MIAT: variants seen among roughly 807,000 people sequenced by gnomAD.
MIAT encodes MI related novel mRNA.
At chr22:26,651,620 GC>G (rs1417760662) in intron 2 of MIAT, among the ~76,000 whole-genome samples, 1 of 152,238 alleles carries the variant, frequency 6.6e-6, no homozygotes, top group African/African-American at 2.4e-5. Flanking sequence ...ATTCAGATTA[GC>G]CAAAGGGTGG....
At chr22:26,653,119 A>T (rs1930367063) in intron 2 of MIAT, among the ~76,000 whole-genome samples, 1 of 152,242 alleles carries the variant, frequency 6.6e-6, no homozygotes, top group Non-Finnish European at 1.5e-5. Flanking sequence ...GGAAGATGCT[A>T]GGGAAGACTT....
chr22:26,672,795 C>T, downstream of MIAT: 1 of 398,716 alleles, frequency 2.5e-6, no homozygotes, highest in Non-Finnish European at 4.4e-6. Flanking sequence ...CGGGTCTTTC[C>T]TACGCTAAAA....
chr22:26,658,762 C>T (rs1197180028), intron 2 of MIAT, among the ~76,000 whole-genome samples: 1 of 152,214 alleles, frequency 6.6e-6, no homozygotes, highest in Non-Finnish European at 1.5e-5. Flanking sequence ...GGGAAAACGC[C>T]CCCACCTGCT....
downstream of MIAT, chr22:26,670,737 G>A (rs1931016739): frequency 1.5e-5 from 6 of 398,282 alleles, no homozygotes; most frequent in Non-Finnish European, 1.3e-5. Context: ...ATAGGATGAA[G>A]TGTTCCTTGA....
chr22:26,669,480 C>T (rs1403633670), exon 6 of MIAT: 1 of 323,872 alleles, frequency 3.1e-6, no homozygotes, highest in Non-Finnish European at 5.3e-6. Context: ...TCTGGTGTCT[C>T]CTCCTCTTCT....
intron 3 of MIAT, chr22:26,665,471 G>C (rs1440301818): frequency 5.0e-6 from 2 of 398,568 alleles, no homozygotes; most frequent in Admixed American, 8.8e-5. Context: ...ACAGAACGAG[G>C]GGAAAGGGTC....
At chr22:26,660,461 C>CAA (rs58234097) in intron 2 of MIAT, among the ~76,000 whole-genome samples, 4,373 of 106,990 alleles carry the variant, frequency 0.041, 117 homozygotes, top group Admixed American at 0.12. Context: ...GAGACTATCT[C>CAA]AAAAAAAAAA....
chr22:26,666,259 C>T (rs1930840547), exon 4 of MIAT: 1 of 398,588 alleles, frequency 2.5e-6, no homozygotes, highest in Admixed American at 4.4e-5. Flanking sequence ...GATTAGTGGT[C>T]ATTCTCTGGT....
intron 3 of MIAT, among the ~76,000 whole-genome samples, chr22:26,663,958 C>CTT (rs33976934): frequency 0.12 from 15,177 of 131,950 alleles, 986 homozygotes; most frequent in Non-Finnish European, 0.14. Context: ...AGATTGGATT[C>CTT]TTTTTTTTTT....
chr22:26,670,124 T>C (rs1436504955), downstream of MIAT: 1 of 398,188 alleles, frequency 2.5e-6, no homozygotes, highest in Non-Finnish European at 4.4e-6. Context: ...CATTTCTGAT[T>C]AGCCCTTCCC....
downstream of MIAT, chr22:26,674,497 G>A (rs1931186021): frequency 2.5e-6 from 1 of 398,690 alleles, no homozygotes; most frequent in South Asian, 1.3e-4. Context: ...ACAGACCTTA[G>A]AGGCAGGTTG....
intron 2 of MIAT, among the ~76,000 whole-genome samples, chr22:26,661,775 A>T (rs2146007512): frequency 6.6e-6 from 1 of 151,588 alleles, no homozygotes; most frequent in Middle Eastern, 3.4e-3. Flanking sequence ...ACCGGCATAA[A>T]CTGAACAGAG....
At chr22:26,652,448 C>A (rs1422091479) in intron 2 of MIAT, among the ~76,000 whole-genome samples, 1 of 152,088 alleles carries the variant, frequency 6.6e-6, no homozygotes, top group Non-Finnish European at 1.5e-5. Flanking sequence ...ACCTCCAACT[C>A]CCGGGTTCAA....
At chr22:26,651,492 T>A (rs764673285) in intron 2 of MIAT, among the ~76,000 whole-genome samples, 1 of 152,168 alleles carries the variant, frequency 6.6e-6, no homozygotes, top group Non-Finnish European at 1.5e-5. Flanking sequence ...ATAATCCCTC[T>A]GACTAAGGCA....
At chr22:26,661,632 C>T (rs188911765) in intron 2 of MIAT, among the ~76,000 whole-genome samples, 3 of 151,968 alleles carry the variant, frequency 2.0e-5, no homozygotes, top group African/African-American at 7.2e-5. Flanking sequence ...CCCAGGGCCA[C>T]GCAGCGAATT....
chr22:26,657,804 G>A (rs183564910), intron 2 of MIAT: 1 of 397,718 alleles, frequency 2.5e-6, no homozygotes, highest in East Asian at 3.6e-5. Flanking sequence ...GAAGTGTCCC[G>A]CATTGGATGG....
chr22:26,671,489 C>G (rs1602373003), downstream of MIAT: 1 of 398,708 alleles, frequency 2.5e-6, no homozygotes. Flanking sequence ...AACCAACTAA[C>G]CCACTAACCA....
intron 1 of MIAT, chr22:26,647,104 A>G (rs554623413): frequency 2.5e-6 from 1 of 398,358 alleles, no homozygotes; most frequent in Admixed American, 4.4e-5. Context: ...CACCGTCAGC[A>G]TGGCTGTATT....
At chr22:26,675,578 T>C (rs1647780719) in exon 5 of MIAT, 1 of 398,630 alleles carries the variant, frequency 2.5e-6, no homozygotes, top group Non-Finnish European at 4.4e-6. Context: ...TCCATACATG[T>C]CTACCCCAGT....
Sources: gnomAD v4.1 joint callset for allele counts (sites outside exome capture counted in the v4.1 genomes callset) on GRCh38, gnomAD v4.1.1 for gene constraint, MANE v1.5 for transcripts, NCBI Gene and HGNC (gene_info 2026-07-23, HGNC 2026-07-21) for gene names.